Variants in MAP3K15 observed in about 807,000 individuals in gnomAD.
The protein encoded by MAP3K15 is mitogen-activated protein kinase kinase kinase 15.
MAP3K15 carries 124 observed loss-of-function variants against 99.5 expected under a neutral mutation model. The ratio of observed to expected loss-of-function variants is 1.25; its 90% confidence interval spans 1.08 to 1.45. The LOEUF (loss-of-function observed/expected upper bound fraction) is 1.45. Among genes scored for constraint, MAP3K15 ranks in the 40% most tolerant of loss-of-function variants. The probability of loss-of-function intolerance (pLI) is 0.00; values close to 1 mark genes in which losing one functional copy is unlikely to be tolerated. For synonymous variants in MAP3K15, 494 were observed against 439.6 expected, an observed-to-expected ratio of 1.12 and a Z score of -1.55; for missense variants, 1,242 against 1,079.7, an observed-to-expected ratio of 1.15 and a Z score of -2.11.
At chrX:19,435,246 T>TC (rs1352047535) in intron 6 of MAP3K15, among the ~76,000 whole-genome samples, 2 of 109,497 alleles carry the variant, frequency 1.8e-5, no homozygotes, top group African/African-American at 6.7e-5. Flanking sequence ...TTTTTTTTTT[T>TC]TCTCTTTGAG....
chrX:19,474,996 G>T (rs944650387), intron 3 of MAP3K15, among the ~76,000 whole-genome samples: 26 of 110,828 alleles, frequency 2.3e-4, no homozygotes, highest in African/African-American at 8.5e-4. Flanking sequence ...GGACCAGGTG[G>T]GCAGGGGCAG....
intron 1 of MAP3K15, among the ~76,000 whole-genome samples, chrX:19,498,463 C>G (rs1220478969): frequency 8.9e-6 from 1 of 111,844 alleles, no homozygotes; most frequent in Non-Finnish European, 1.9e-5. Flanking sequence ...AGATAGAAAT[C>G]CAAACTCAGA....
At chrX:19,404,752 AAAGAATAGTCTTTTC>A (rs1466772386) in intron 13 of MAP3K15, among the ~76,000 whole-genome samples, 1 of 112,103 alleles carries the variant, frequency 8.9e-6, no homozygotes. Context: ...TCAATCAGGG[AAAGAATAGTCTTTTC>A]AAGAATAGTC....
rs756514149 is a variant in MAP3K15, at chrX:19,370,978, C to T, written c.3381G>A (p.Ala1127=). The T allele has an allele frequency of 4.0e-5, 47 of 1,184,300 alleles. No individual in the cohort carries two copies. The Admixed American group carries it at 1.1e-3, about 29-fold the overall frequency. Reference sequence around the variant, plus strand: ...GCTCACCTGGGATGAGAATGGTGACCGCGGCCTGCACCGCTCGGCGGATGA... The same window carrying T: ...GCTCACCTGGGATGAGAATGGTGACTGCGGCCTGCACCGCTCGGCGGATGA... ...DNIIRRAVQA[A]VTILIPELRA... Residue 1127 remains alanine (A), a synonymous_variant, in exon 24 of 29, where the codon GCG becomes GCA. Coordinates refer to ENST00000338883, the MANE Select transcript of MAP3K15 (RefSeq NM_001001671.4).
rs2147281599 is a variant in MAP3K15, at chrX:19,415,261, GA to G, written c.1440-5del. 8.6e-7 allele frequency: 1 copy of G among 1,159,701 alleles called. No homozygotes were observed. The highest frequency in any genetic ancestry group is 1.1e-6 in the Non-Finnish European group (1 of 875,294). ...CTGAACTAATGATCGCAGGTACCTG[GA>G]AAAATCACAAACAGCAATATATTGG... On this transcript the variant is annotated splice_polypyrimidine_tract_variant and splice_region_variant and intron_variant, in intron 9 of 28. Coordinates refer to ENST00000338883, the MANE Select transcript of MAP3K15 (RefSeq NM_001001671.4).
At chrX:19,385,341 C>T (rs1435615221) in intron 18 of MAP3K15, among the ~76,000 whole-genome samples, 1 of 111,606 alleles carries the variant, frequency 9.0e-6, no homozygotes, top group Non-Finnish European at 1.9e-5. Context: ...TGAGACATGG[C>T]TTCCCTCAGA....
At chrX:19,484,590 A>T (rs1363320459) in intron 3 of MAP3K15, among the ~76,000 whole-genome samples, 3 of 111,907 alleles carry the variant, frequency 2.7e-5, no homozygotes, top group Non-Finnish European at 5.6e-5. Flanking sequence ...TATGTAGTGG[A>T]ATTGTAACAG....
intron 9 of MAP3K15, among the ~76,000 whole-genome samples, chrX:19,417,305 G>A: frequency 8.9e-6 from 1 of 112,432 alleles, no homozygotes; most frequent in Middle Eastern, 4.6e-3. Context: ...TCAAAGCAAG[G>A]GGTGACAGAC....
chrX:19,477,167 G>A (rs2064248525), intron 3 of MAP3K15, among the ~76,000 whole-genome samples: 1 of 111,563 alleles, frequency 9.0e-6, no homozygotes, highest in Non-Finnish European at 1.9e-5. Flanking sequence ...CCAGTTGGCA[G>A]GTAGAATTAA....
chrX:19,464,754 C>T (rs141353082), intron 3 of MAP3K15, among the ~76,000 whole-genome samples: 2,609 of 111,472 alleles, frequency 0.023, 81 homozygotes, highest in African/African-American at 0.082. Flanking sequence ...GCAAGGATTG[C>T]AACATGGCAT....
At chrX:19,487,413 A>G (rs1400802422) in intron 2 of MAP3K15, among the ~76,000 whole-genome samples, 2 of 112,039 alleles carry the variant, frequency 1.8e-5, no homozygotes, top group South Asian at 3.7e-4. Context: ...TCATCAAAAT[A>G]TAGGTTAATA....
Position 19,425,627 on chromosome X carries a change from T to A in MAP3K15, c.1343A>T (p.Asp448Val), listed in dbSNP as rs138128907. ...GCTGACGCTGAAGAACTGACCCACA[T>A]CCCAGTAATTGTTCATTTTCTCCAA... ...GSLEKMNNYW[D>V]VGQFFSVSML... is the part of the protein sequence containing the mutation. Residue 448 changes from aspartate (D) to valine (V), a missense_variant, in exon 9 of 29, where the codon GAT becomes GTT. Coordinates refer to ENST00000338883, the MANE Select transcript of MAP3K15 (RefSeq NM_001001671.4). The A allele has an allele frequency of 3.3e-6, 4 of 1,197,445 alleles. No homozygotes were observed. Among genetic ancestry groups the A allele is most frequent in the East Asian group, 3.0e-5 (1 of 33,738 alleles).
At chrX:19,376,098 C>A (rs2147222448) in intron 19 of MAP3K15, among the ~76,000 whole-genome samples, 1 of 111,926 alleles carries the variant, frequency 8.9e-6, no homozygotes, top group South Asian at 3.7e-4. Context: ...TGACACCCGG[C>A]TGGGATGTCC....
chrX:19,391,546 G>A (rs181409551), intron 18 of MAP3K15, among the ~76,000 whole-genome samples: 55 of 107,120 alleles, frequency 5.1e-4, no homozygotes, highest in African/African-American at 1.8e-3. Flanking sequence ...GGTAGGGGGC[G>A]CGCCTATAAT....
At position 19,380,231 on chromosome X, in the gene MAP3K15, G is replaced by A. The variant is rs773526503; in HGVS notation, c.2478C>T (p.Arg826=). The stretch of plus-strand genomic sequence containing the variant: ...AGATATCGGCTGGGGCACCATATCC[G>A]CGAGGCCCTTGGTCAATTATCTCAG... The part of the protein sequence containing the change: ...MAPEIIDQGP[R]GYGAPADIWS... The change falls in exon 19 of 29, where the codon CGC becomes CGT. Residue 826 remains arginine, a synonymous_variant. Transcript: ENST00000338883. 6.6e-6 allele frequency: 8 copies of A among 1,204,785 alleles called. No homozygotes were observed. The highest frequency in any genetic ancestry group is 5.4e-5 in the South Asian group (3 of 55,452).
intron 12 of MAP3K15, 107 bp from the exon 13 acceptor site, chrX:19,407,390 T>C: frequency 2.2e-6 from 1 of 454,921 alleles, no homozygotes; most frequent in East Asian, 4.2e-5. Flanking sequence ...GATTCATTAA[T>C]GTTTTAAACA....
At chrX:19,374,788 C>T (rs987032297) in intron 19 of MAP3K15, 128 bp from the exon 20 acceptor site, 19 of 563,543 alleles carry the variant, frequency 3.4e-5, no homozygotes, top group African/African-American at 1.9e-4. Flanking sequence ...CCCCTTGCAA[C>T]GTCACGTTCT....
At chrX:19,401,829 G>A (rs185643058) in intron 13 of MAP3K15, among the ~76,000 whole-genome samples, 2 of 112,229 alleles carry the variant, frequency 1.8e-5, no homozygotes, top group East Asian at 5.6e-4. Context: ...AAGATGTCAA[G>A]GAGGAATACT....
At chrX:19,448,564 T>C (rs1001028486) in intron 6 of MAP3K15, among the ~76,000 whole-genome samples, 2 of 107,645 alleles carry the variant, frequency 1.9e-5, no homozygotes, top group Non-Finnish European at 3.9e-5. Flanking sequence ...GGTCCCCCCC[T>C]GTCCCCGAAA....
Sources: gnomAD v4.1 joint callset for allele counts (sites outside exome capture counted in the v4.1 genomes callset) on GRCh38, gnomAD v4.1.1 for gene constraint, MANE v1.5 for transcripts, NCBI Gene and HGNC (gene_info 2026-07-23, HGNC 2026-07-21) for gene names.